ABHD4: variants seen among roughly 807,000 people sequenced by gnomAD.
The protein encoded by ABHD4 is abhydrolase domain containing 4, N-acyl phospholipase B, also known as (Lyso)-N-acylphosphatidylethanolamine lipase.
In ABHD4, 35 loss-of-function variants were observed where a neutral mutation model predicts 42.3. The ratio of observed to expected loss-of-function variants is 0.83; its 90% CI spans 0.63 to 1.10. The LOEUF (loss-of-function observed/expected upper bound fraction) is 1.10, where lower values mean the gene tolerates loss of function less well. ABHD4 is among the 50% of genes least tolerant of loss of function. The probability of loss-of-function intolerance (pLI) is 0.00; values close to 1 mark genes in which losing one functional copy is unlikely to be tolerated. For synonymous variants in ABHD4, 169 were observed against 170.6 expected, an observed-to-expected ratio of 0.99 and a Z score of 0.07; for missense variants, 389 against 454.8, an observed-to-expected ratio of 0.86 and a Z score of 1.32.
Position 22,611,286 on chromosome 14 carries a change from C to T in ABHD4, c.*338C>T. ...ATTCACTCTCTCTGTGGCCTTTCTT[C>T]CTCTGGGCAAAGAAGGGCTTCCAGT... On this transcript the variant is annotated 3_prime_UTR_variant, in exon 7 of 7. Transcript: ENST00000428304. The T allele has an allele frequency of 3.9e-6, 1 of 256,096 alleles. No individual in the cohort carries two copies. Among genetic ancestry groups the T allele is most frequent in the Non-Finnish European group, 7.8e-6 (1 of 128,912 alleles). 15.9% of individuals were successfully genotyped at this position (256,096 alleles called of 1,614,324 possible).
chr14:22,598,768 T>A, intron 1 of ABHD4: 1 of 348,602 alleles, frequency 2.9e-6, no homozygotes, highest in Non-Finnish European at 5.6e-6. Context: ...AAAGAGAAGA[T>A]GTGGAGAGAC....
At chr14:22,609,973 G>T (rs1232110618) in intron 6 of ABHD4, 63 bp downstream of exon 6, 2 of 1,499,882 alleles carry the variant, frequency 1.3e-6, no homozygotes, top group Non-Finnish European at 9.1e-7. Flanking sequence ...TCAGCCTTGG[G>T]GTAGAGAAGG....
At chr14:22,601,883 G>A in intron 2 of ABHD4, 128 bp downstream of exon 2, 1 of 784,212 alleles carries the variant, frequency 1.3e-6, no homozygotes, top group Non-Finnish European at 2.1e-6. Context: ...GGGAGGAAAG[G>A]ATGTCAGTTG....
intron 5 of ABHD4, among the ~76,000 whole-genome samples, chr14:22,608,905 G>C (rs139285862): frequency 0.058 from 8,756 of 152,056 alleles, 282 homozygotes; most frequent in South Asian, 0.083. Context: ...TCACCATGTT[G>C]GCCAGGCTGG....
intron 1 of ABHD4, among the ~76,000 whole-genome samples, chr14:22,601,459 A>C (rs1186057223): frequency 6.6e-6 from 1 of 152,220 alleles, no homozygotes; most frequent in East Asian, 1.9e-4. Context: ...TATCTATTGA[A>C]ACAAGGGGCA....
intron 4 of ABHD4, 89 bp from the exon 5 acceptor site, chr14:22,606,333 A>T: frequency 1.2e-6 from 1 of 826,202 alleles, no homozygotes; most frequent in Non-Finnish European, 2.0e-6. Context: ...AATAAGGTTT[A>T]GTTAAAGTTC....
intron 1 of ABHD4, among the ~76,000 whole-genome samples, chr14:22,601,253 T>C (rs2037281792): frequency 6.6e-6 from 1 of 152,214 alleles, no homozygotes; most frequent in African/African-American, 2.4e-5. Flanking sequence ...GCATGGGAAT[T>C]TGTCCTACTG....
At chr14:22,599,016 A>G (rs1257114433) in intron 1 of ABHD4, 1 of 152,500 alleles carries the variant, frequency 6.6e-6, no homozygotes, top group African/African-American at 2.4e-5. Context: ...GCAGTTCGCA[A>G]TCTGATAGGA....
At chr14:22,610,287 C>T (rs953674665) in intron 6 of ABHD4, among the ~76,000 whole-genome samples, 3 of 152,132 alleles carry the variant, frequency 2.0e-5, no homozygotes, top group African/African-American at 7.2e-5. Flanking sequence ...GAACTCCTGA[C>T]CTCACGTGAT....
At chr14:22,598,463 G>A (rs906642117) in intron 1 of ABHD4, 134 bp downstream of exon 1, 11 of 1,539,160 alleles carry the variant, frequency 7.1e-6, no homozygotes, top group African/African-American at 1.4e-5. Context: ...GGGGAGGGCG[G>A]GGGGTGGGTG....
chr14:22,603,343 C>T (rs763958514), intron 2 of ABHD4, 47 bp from the exon 3 acceptor site: 19 of 1,608,664 alleles, frequency 1.2e-5, no homozygotes, highest in South Asian at 4.4e-5. Context: ...ATGATGATGC[C>T]GTCAGGAAAC....
chr14:22,610,667 A>G (rs2037403957), intron 6 of ABHD4, among the ~76,000 whole-genome samples, 192 bp from the exon 7 acceptor site: 1 of 152,232 alleles, frequency 6.6e-6, no homozygotes, highest in African/African-American at 2.4e-5. Context: ...ATGTTTATCA[A>G]GTAAGTAGAA....
At chr14:22,601,631 A>G (rs770198733) in intron 1 of ABHD4, 36 bp from the exon 2 acceptor site, 13 of 1,572,114 alleles carry the variant, frequency 8.3e-6, no homozygotes, top group Admixed American at 5.0e-5. Context: ...TTTCTTTCCA[A>G]TGTTGCCAAT....
chr14:22,598,302 T>C lies in ABHD4; in HGVS notation c.-5T>C, dbSNP rs1410456281. ...CTCGCCAGGACCTGGCAAGGCTTGT[T>C]TACTATGGCCGATGATCTGGAGCAG... On this transcript the variant is annotated 5_prime_UTR_variant, in exon 1 of 7. Coordinates refer to ENST00000428304, the MANE Select transcript of ABHD4 (RefSeq NM_022060.3). 1.9e-6 allele frequency: 3 copies of C among 1,551,654 alleles called. No individual in the cohort carries two copies. Among genetic ancestry groups the C allele is most frequent in the Non-Finnish European group, 2.6e-6 (3 of 1,146,938 alleles).
chr14:22,604,034 G>C lies in ABHD4; in HGVS notation c.595G>C (p.Gly199Arg). The part of the protein sequence containing the change: ...AWVKAVASVL[G>R]RSNPLAVLRV... ...GGTCAAAGCCGTGGCATCTGTCCTA[G>C]GACGTTCCAATCCATTGGCTGTTCT... is the stretch of plus-strand genomic sequence containing the variant. Residue 199 changes from glycine to arginine, a missense_variant, in exon 4 of 7, where the codon GGA (glycine) becomes CGA (arginine). Around this residue, in one of 3 missense-constraint regions of ABHD4, gnomAD observed 249 missense variants for 254.4 expected, o/e 0.98. Coordinates refer to ENST00000428304, the MANE Select transcript of ABHD4 (RefSeq NM_022060.3). 1 of 1,614,202 alleles carries C rather than the reference G, an allele frequency of 6.2e-7. No individual in the cohort carries two copies. Among genetic ancestry groups the C allele is most frequent in the Non-Finnish European group, 8.5e-7 (1 of 1,180,042 alleles).
Position 22,610,871 on chromosome 14 carries a change from G to A in ABHD4, c.952G>A (p.Ala318Thr), listed in dbSNP as rs2037407063. 2 of 1,614,020 alleles carry A rather than the reference G, an allele frequency of 1.2e-6. No individual in the cohort carries two copies. Among genetic ancestry groups the A allele is most frequent in the Non-Finnish European group, 1.7e-6 (2 of 1,179,978 alleles). ...SYVRDMEIKGASHHVYADQPH... is the reference protein window; with the variant it reads ...SYVRDMEIKGTSHHVYADQPH... Reference sequence around the variant, plus strand: ...TCTCTCTCCACAGGAGATTAAGGGTGCCTCCCACCATGTCTATGCTGACCA... The same window carrying A: ...TCTCTCTCCACAGGAGATTAAGGGTACCTCCCACCATGTCTATGCTGACCA... The change falls in exon 7 of 7, where the codon GCC (alanine) becomes ACC (threonine). Residue 318 changes from alanine to threonine, a missense_variant. Ala to Thr is a moderately conservative substitution (Grantham distance 58). Transcript: ENST00000428304.
chr14:22,604,137 G>C lies in ABHD4; in HGVS notation c.640+58G>C. 5 of 1,579,826 alleles carry C rather than the reference G, an allele frequency of 3.2e-6. No individual in the cohort carries two copies. The Admixed American group carries it at 8.6e-5, about 27-fold the overall frequency. On this transcript the variant is annotated intron_variant, in intron 4 of 6. Transcript: ENST00000428304. ...GCTATAACGTTCTAGAAGGCCCACAGTGTCTTTCCCACTTATTCCTAAAAA... is the reference window on the plus strand; with the variant it reads ...GCTATAACGTTCTAGAAGGCCCACACTGTCTTTCCCACTTATTCCTAAAAA...
At position 22,603,921 on chromosome 14, in the gene ABHD4, A is replaced by G. The variant is rs544429795; in HGVS notation, c.486-4A>G. 6.2e-6 allele frequency: 10 copies of G among 1,613,842 alleles called. No homozygotes were observed. The Admixed American group carries it at 1.0e-4, about 16-fold the overall frequency. On this transcript the variant is annotated splice_region_variant and splice_polypyrimidine_tract_variant and intron_variant, in intron 3 of 6. Transcript: ENST00000428304. ...GTCTTCTCCTCTTTCCGCCTTTAACATAGAGTTAAACACCTCATCCTGGTG... is the reference window on the plus strand; with the variant it reads ...GTCTTCTCCTCTTTCCGCCTTTAACGTAGAGTTAAACACCTCATCCTGGTG...
rs1465592027 is a variant in ABHD4 at position 22,603,337 on chromosome 14, T to C, written c.113-53T>C. The C allele has an allele frequency of 3.7e-6, 6 of 1,606,702 alleles. No homozygotes were observed. The East Asian group carries it at 8.9e-5, about 24-fold the overall frequency. ...AAGAGTGGTAGTCCAGGCAAAATGA[T>C]GATGCCGTCAGGAAACACTTATTGA... is the stretch of plus-strand genomic sequence containing the variant. On this transcript the variant is annotated intron_variant, in intron 2 of 6. Transcript: ENST00000428304.
Sources: gnomAD v4.1 joint callset for allele counts (sites outside exome capture counted in the v4.1 genomes callset) on GRCh38, gnomAD v4.1.1 for gene constraint, gnomAD v4.1.1 regional missense constraint, MANE v1.5 for transcripts, NCBI Gene and HGNC (gene_info 2026-07-23, HGNC 2026-07-21) for gene names.